UBE2G1: variants seen among roughly 807,000 people sequenced by gnomAD.
The protein encoded by UBE2G1 is ubiquitin-conjugating enzyme E2 G1.
In UBE2G1, 5 loss-of-function variants were observed where a neutral mutation model predicts 22.7. The ratio of observed to expected loss-of-function variants is 0.22; its 90% CI spans 0.12 to 0.46. The LOEUF (loss-of-function observed/expected upper bound fraction) is 0.46. Ranked by LOEUF, UBE2G1 falls within the 20% of genes least tolerant of loss-of-function variation. UBE2G1 has a pLI of 0.99. For synonymous variants in UBE2G1, 74 were observed against 67.5 expected (o/e 1.10, Z -0.47); for missense variants, 88 against 203.9 (o/e 0.43, Z 3.46).
chr17:4,359,055 A>G (rs1969938306), intron 1 of UBE2G1, among the ~76,000 whole-genome samples: 1 of 152,178 alleles, frequency 6.6e-6, no homozygotes. Context: ...ACATAAGAAT[A>G]TGATAATGTA....
intron 1 of UBE2G1, among the ~76,000 whole-genome samples, chr17:4,346,283 C>T (rs1267974446): frequency 6.6e-6 from 1 of 152,112 alleles, no homozygotes; most frequent in Admixed American, 6.6e-5. Flanking sequence ...CACACAGACT[C>T]CCCTCCACAC....
At chr17:4,274,317 C>T (rs920996092) in intron 5 of UBE2G1, among the ~76,000 whole-genome samples, 23 of 151,876 alleles carry the variant, frequency 1.5e-4, no homozygotes, top group African/African-American at 4.8e-4. Context: ...CCTGCCTCAG[C>T]CTCCCGAGTA....
chr17:4,273,699 T>C (rs1598175889), intron 5 of UBE2G1, among the ~76,000 whole-genome samples: 1 of 142,082 alleles, frequency 7.0e-6, no homozygotes, highest in Non-Finnish European at 1.5e-5. Context: ...TTTATTATAT[T>C]AATATGTGCT....
intron 1 of UBE2G1, among the ~76,000 whole-genome samples, chr17:4,354,500 G>A (rs1464338530): frequency 1.3e-5 from 2 of 151,946 alleles, no homozygotes; most frequent in Non-Finnish European, 2.9e-5. Context: ...GATTCTCAAA[G>A]GAAACTAAGA....
intron 2 of UBE2G1, among the ~76,000 whole-genome samples, chr17:4,303,081 A>G (rs76674428): frequency 2.0e-5 from 3 of 152,110 alleles, no homozygotes; most frequent in Non-Finnish European, 4.4e-5. Flanking sequence ...AAAAAAAAAA[A>G]TTGTGACAGA....
At position 4,328,336 on chromosome 17, in the gene UBE2G1, T is replaced by A. The variant is rs146648991; in HGVS notation, c.47-21213A>T. ...TGTACAAGGTGTATATTGTTTTATGTTGTCCAAAATATCAACATACTGGTT... is the reference window on the plus strand; with the variant it reads ...TGTACAAGGTGTATATTGTTTTATGATGTCCAAAATATCAACATACTGGTT... On this transcript the variant is annotated intron_variant, in intron 1 of 5. Transcript: ENST00000396981. 8.2e-4 allele frequency among the ~76,000 whole-genome samples: 125 copies of A among 152,354 alleles called. 1 individual carries two copies. The highest frequency in any genetic ancestry group is 2.8e-3 in the African/African-American group (117 of 41,586).
At chr17:4,345,553 G>A (rs1037200667) in intron 1 of UBE2G1, 5 of 151,948 alleles carry the variant, frequency 3.3e-5, no homozygotes, top group Admixed American at 1.3e-4. Context: ...ATAAACCTTC[G>A]GTAACACTAT....
chr17:4,271,183 C>A lies in UBE2G1; in HGVS notation c.*1371G>T, dbSNP rs1968754873. 6.6e-6 allele frequency: 1 copy of A among 152,512 alleles called. No individual in the cohort carries two copies. Among genetic ancestry groups the A allele is most frequent in the Admixed American group, 6.5e-5 (1 of 15,284 alleles). The allele number at this position is 152,512 out of a possible 1,614,324, so 9.4% of individuals were successfully genotyped here. A position where few individuals can be genotyped will look rare whatever the true frequency, so the allele number is the denominator to read the frequency against. ...TATATTGAAGCTCAAACATTAATCA[C>A]ATCCAAGTGTACTATTGTTAGTGAC... On this transcript the variant is annotated 3_prime_UTR_variant, in exon 6 of 6. Transcript: ENST00000396981.
intron 1 of UBE2G1, among the ~76,000 whole-genome samples, chr17:4,328,834 C>G (rs1396195655): frequency 2.0e-5 from 3 of 152,222 alleles, no homozygotes. Context: ...CGCCTGTAAT[C>G]CCCGCACTTT....
chr17:4,346,285 C>A (rs955142625), intron 1 of UBE2G1, among the ~76,000 whole-genome samples: 2 of 152,106 alleles, frequency 1.3e-5, no homozygotes, highest in African/African-American at 2.4e-5. Context: ...CACAGACTCC[C>A]CTCCACACCC....
intron 1 of UBE2G1, among the ~76,000 whole-genome samples, chr17:4,331,007 CAT>C (rs1555522267): frequency 6.6e-6 from 1 of 151,714 alleles, no homozygotes; most frequent in Non-Finnish European, 1.5e-5. Flanking sequence ...CACACACACA[CAT>C]TCCAAACTGT....
At chr17:4,306,616 A>T (rs1177913372) in intron 2 of UBE2G1, among the ~76,000 whole-genome samples, 1 of 152,222 alleles carries the variant, frequency 6.6e-6, no homozygotes, top group Non-Finnish European at 1.5e-5. Flanking sequence ...CTCCTTAAAA[A>T]ATAATTTCAT....
chr17:4,340,522 G>A (rs752601829), intron 1 of UBE2G1, among the ~76,000 whole-genome samples: 14 of 152,084 alleles, frequency 9.2e-5, no homozygotes, highest in Admixed American at 8.5e-4. Context: ...TGCTGTTCTC[G>A]TGATAGTGAG....
intron 1 of UBE2G1, among the ~76,000 whole-genome samples, chr17:4,349,977 G>A (rs1597265190): frequency 2.6e-5 from 4 of 152,202 alleles, no homozygotes; most frequent in African/African-American, 7.2e-5. Flanking sequence ...GGGAGAGAGG[G>A]GACCTCACCA....
chr17:4,340,341 C>T (rs1035803223), intron 1 of UBE2G1, among the ~76,000 whole-genome samples: 6 of 152,222 alleles, frequency 3.9e-5, no homozygotes, highest in Non-Finnish European at 8.8e-5. Flanking sequence ...TAGGAATATA[C>T]TTAAATCCAG....
At chr17:4,318,369 G>A (rs1196795428) in intron 1 of UBE2G1, among the ~76,000 whole-genome samples, 3 of 152,020 alleles carry the variant, frequency 2.0e-5, no homozygotes, top group Non-Finnish European at 4.4e-5. Flanking sequence ...GCCAAACAAG[G>A]CCCCCGGTAC....
intron 1 of UBE2G1, among the ~76,000 whole-genome samples, chr17:4,327,373 G>A (rs946025823): frequency 6.6e-6 from 1 of 152,038 alleles, no homozygotes; most frequent in Admixed American, 6.6e-5. Flanking sequence ...TTGGGAGGCC[G>A]AGGCAGGAGA....
In UBE2G1 at chr17:4,307,137, A is replaced by C; in HGVS notation, c.47-14T>G. On this transcript the variant is annotated splice_polypyrimidine_tract_variant and intron_variant, in intron 1 of 5. Transcript: ENST00000396981. ...TTTTGTTGAGTTCTGTGGAAAAAGA[A>C]AAGTTTAATCAATACATTTAAGCAC... 1 of 1,607,182 alleles carries C rather than the reference A, an allele frequency of 6.2e-7. No homozygotes were observed. The highest frequency in any genetic ancestry group is 8.5e-7 in the Non-Finnish European group (1 of 1,173,996).
chr17:4,312,678 A>G (rs1598190267), intron 1 of UBE2G1, among the ~76,000 whole-genome samples: 1 of 138,736 alleles, frequency 7.2e-6, no homozygotes, highest in South Asian at 2.7e-4. Context: ...CCTGGGCGAT[A>G]GAGCAAGACT....
Sources: gnomAD v4.1 joint callset for allele counts (sites outside exome capture counted in the v4.1 genomes callset) on GRCh38, gnomAD v4.1.1 for gene constraint, MANE v1.5 for transcripts, NCBI Gene and HGNC (gene_info 2026-07-23, HGNC 2026-07-21) for gene names.